Variants in TMEM178B observed in about 807,000 individuals in gnomAD.
TMEM178B encodes the protein transmembrane protein 178B.
Under a neutral mutation model 31.0 loss-of-function variants are expected in TMEM178B, and 5 were observed. The observed-to-expected ratio is 0.16, with a 90% CI of 0.08 to 0.34. The LOEUF (loss-of-function observed/expected upper bound fraction) is 0.34, where lower values mean the gene tolerates loss of function less well. Ranked by LOEUF, TMEM178B falls within the 10% of genes least tolerant of loss-of-function variation. The pLI is 1.00. For synonymous variants in TMEM178B, 164 were observed against 164.0 expected (o/e 1.00, Z 0.00); for missense variants, 275 against 400.3 (o/e 0.69, Z 2.67).
rs1225584949 is a variant in TMEM178B at position 141,318,996 on chromosome 7, G to T, written c.496+106292G>T. ...GATTGAAAAAAATAGTGACTGTGAT[G>T]GTTGGAGAGAATTGTCAAAAACTGC... is the stretch of plus-strand genomic sequence containing the variant. On this transcript the variant is annotated intron_variant, in intron 2 of 3. Transcript: ENST00000565468. This position sits in a 1 kb window ranked among gnomAD's most constrained non-coding sequence, Gnocchi z 4.1. 2.0e-5 allele frequency among the ~76,000 whole-genome samples: 3 copies of T among 152,106 alleles called. No individual in the cohort carries two copies. The highest frequency in any genetic ancestry group is 2.9e-5 in the Non-Finnish European group (2 of 68,024).
At chr7:141,276,379 G>A (rs1798266699) in intron 2 of TMEM178B, among the ~76,000 whole-genome samples, 2 of 152,152 alleles carry the variant, frequency 1.3e-5, no homozygotes, top group African/African-American at 4.8e-5. Flanking sequence ...CTGAGACTGG[G>A]TAATTTATAA....
intron 1 of TMEM178B, among the ~76,000 whole-genome samples, chr7:141,184,467 CCT>C (rs1038141859): frequency 1.3e-5 from 2 of 152,096 alleles, no homozygotes; most frequent in African/African-American, 2.4e-5. Flanking sequence ...TTCACCCTGT[CCT>C]CTCTGCCAGC....
intron 2 of TMEM178B, among the ~76,000 whole-genome samples, chr7:141,370,188 G>A (rs771586517): frequency 1.4e-4 from 21 of 152,248 alleles, no homozygotes; most frequent in Non-Finnish European, 2.6e-4. Flanking sequence ...GGAATGGAAC[G>A]TTGCAGAGAG....
chr7:141,083,329 G>A (rs1171280105), intron 1 of TMEM178B, among the ~76,000 whole-genome samples: 1 of 152,084 alleles, frequency 6.6e-6, no homozygotes, highest in Non-Finnish European at 1.5e-5. Context: ...AAAATAATGT[G>A]TTTAGATTCT....
At chr7:141,285,350 G>C (rs1247066113) in intron 2 of TMEM178B, among the ~76,000 whole-genome samples, 7 of 151,088 alleles carry the variant, frequency 4.6e-5, no homozygotes, top group Non-Finnish European at 1.0e-4. Context: ...AGTGGAGACA[G>C]GGTTTCACTG....
At chr7:141,488,706 G>T in the TMEM178B span, among the ~76,000 whole-genome samples, 6,475 of 152,186 alleles carry the variant, frequency 0.043, 449 homozygotes, top group African/African-American at 0.14. Flanking sequence ...CCAAAGTGCT[G>T]GGATTACAGG....
chr7:141,080,337 A>G (rs1794662675), intron 1 of TMEM178B, among the ~76,000 whole-genome samples: 2 of 152,118 alleles, frequency 1.3e-5, no homozygotes, highest in Non-Finnish European at 2.9e-5. Context: ...TAAATACTCC[A>G]CGGCTGGGCA....
intron 1 of TMEM178B, among the ~76,000 whole-genome samples, chr7:141,097,861 C>G (rs1794991739): frequency 6.9e-6 from 1 of 144,776 alleles, no homozygotes; most frequent in Non-Finnish European, 1.5e-5. Flanking sequence ...GGAACGATCT[C>G]TCTCACTGCA....
At chr7:141,300,669 G>C (rs1798707820) in intron 2 of TMEM178B, among the ~76,000 whole-genome samples, 1 of 152,044 alleles carries the variant, frequency 6.6e-6, no homozygotes, top group Non-Finnish European at 1.5e-5. Context: ...TAACAACCTG[G>C]AGAGTGGGGG....
chr7:141,464,280 A>G (rs1802112674), intron 3 of TMEM178B, among the ~76,000 whole-genome samples: 1 of 152,136 alleles, frequency 6.6e-6, no homozygotes, highest in Admixed American at 6.5e-5. Flanking sequence ...TAGCATTGTC[A>G]TCTGTATCAG....
intron 2 of TMEM178B, among the ~76,000 whole-genome samples, chr7:141,391,456 G>A (rs890794195): frequency 1.2e-4 from 19 of 152,110 alleles, no homozygotes; most frequent in Non-Finnish European, 7.4e-5. Flanking sequence ...CACCACATCC[G>A]GCCTCTTTCA....
intron 2 of TMEM178B, among the ~76,000 whole-genome samples, chr7:141,314,808 G>C (rs754318638): frequency 6.6e-6 from 1 of 152,042 alleles, no homozygotes; most frequent in Non-Finnish European, 1.5e-5. Context: ...CTCCCACTGA[G>C]ACCTCAATCA....
chr7:141,294,785 T>A (rs765787893), intron 2 of TMEM178B, among the ~76,000 whole-genome samples: 39 of 152,214 alleles, frequency 2.6e-4, no homozygotes, highest in Non-Finnish European at 3.5e-4. Context: ...CATTATTCAC[T>A]TTACCCTCAT....
chr7:141,184,564 C>T (rs1018174907), intron 1 of TMEM178B, among the ~76,000 whole-genome samples: 2 of 152,314 alleles, frequency 1.3e-5, no homozygotes, highest in Non-Finnish European at 2.9e-5. Context: ...CCTCTGCTCT[C>T]CTAGTCAATT....
intron 2 of TMEM178B, among the ~76,000 whole-genome samples, chr7:141,410,251 T>C (rs1415985262): frequency 2.0e-5 from 3 of 152,208 alleles, no homozygotes; most frequent in Non-Finnish European, 4.4e-5. Context: ...GCATCGCAGC[T>C]GCCAGCCTAG....
At chr7:141,337,263 CACCACCACCATCACCACT>C (rs1386196068) in intron 2 of TMEM178B, among the ~76,000 whole-genome samples, 8 of 138,532 alleles carry the variant, frequency 5.8e-5, no homozygotes, top group Non-Finnish European at 7.8e-5. Flanking sequence ...ACATCATCAC[CACCACCACCATCACCACT>C]ACCACCACCA....
chr7:141,321,088 G>A (rs1799091180), intron 2 of TMEM178B, among the ~76,000 whole-genome samples: 1 of 152,214 alleles, frequency 6.6e-6, no homozygotes, highest in Non-Finnish European at 1.5e-5. Flanking sequence ...AGTGCATGCA[G>A]TTCTTCCTTG....
chr7:141,301,506 C>T (rs556264080), intron 2 of TMEM178B, among the ~76,000 whole-genome samples: 1 of 152,082 alleles, frequency 6.6e-6, no homozygotes, highest in Admixed American at 6.5e-5. Context: ...TCAAAACCAG[C>T]AACATGTTCT....
chr7:141,495,779 C>T, the TMEM178B span, among the ~76,000 whole-genome samples: 7 of 152,244 alleles, frequency 4.6e-5, no homozygotes, highest in East Asian at 1.9e-4. Flanking sequence ...TATAGAAAGA[C>T]GTACAAGATA....
Sources: allele counts gnomAD v4.1 joint callset (sites outside exome capture counted in the v4.1 genomes callset), GRCh38; gene constraint gnomAD v4.1.1; non-coding constraint Gnocchi (gnomAD v3.1); transcripts MANE v1.5; gene names NCBI Gene and HGNC (gene_info 2026-07-23, HGNC 2026-07-21).